ADGRB3: variants seen among roughly 807,000 people sequenced by gnomAD.
ADGRB3 encodes the protein brain-specific angiogenesis inhibitor 3.
Under a neutral mutation model 193.4 loss-of-function variants are expected in ADGRB3, and 37 were observed. That is an observed-to-expected ratio of 0.19 (90% CI 0.15 to 0.25). The LOEUF is 0.25. Ranked by LOEUF, ADGRB3 falls within the 10% of genes least tolerant of loss-of-function variation. The pLI, the probability that ADGRB3 is intolerant of heterozygous loss-of-function variation, is 1.00. For missense variants in ADGRB3, 1,637 were observed against 1,852.9 expected (o/e 0.88, Z 2.14); for synonymous variants, 690 against 644.2 (o/e 1.07, Z -1.08).
At chr6:68,858,590 C>G (rs1315453270) in intron 3 of ADGRB3, among the ~76,000 whole-genome samples, 1 of 83,946 alleles carries the variant, frequency 1.2e-5, no homozygotes, top group South Asian at 3.6e-4. Context: ...GAGACCCTGA[C>G]TCAAAAAAAA....
At chr6:69,316,649 G>A (rs964830001) in intron 20 of ADGRB3, among the ~76,000 whole-genome samples, 1 of 151,428 alleles carries the variant, frequency 6.6e-6, no homozygotes, top group African/African-American at 2.4e-5. Flanking sequence ...GTGGCCTGCT[G>A]AAAACATCCT....
chr6:68,784,101 A>G (rs1246786218), intron 3 of ADGRB3, among the ~76,000 whole-genome samples: 2 of 152,134 alleles, frequency 1.3e-5, no homozygotes, highest in African/African-American at 4.8e-5. Context: ...TTCTATAATT[A>G]TATACTTTAT....
chr6:69,162,853 A>G (rs73467774), intron 17 of ADGRB3, among the ~76,000 whole-genome samples: 3,357 of 152,188 alleles, frequency 0.022, 120 homozygotes, highest in African/African-American at 0.072. Context: ...TGTCAGTCCA[A>G]TTGAGACTCT....
intron 20 of ADGRB3, among the ~76,000 whole-genome samples, chr6:69,252,048 T>C (rs1156458656): frequency 1.3e-5 from 2 of 152,134 alleles, no homozygotes; most frequent in Admixed American, 6.6e-5. Flanking sequence ...TTCTCTCTTG[T>C]CTCCTGCCAG....
At chr6:68,653,900 C>A (rs567222907) in intron 3 of ADGRB3, among the ~76,000 whole-genome samples, 2 of 151,946 alleles carry the variant, frequency 1.3e-5, no homozygotes, top group Non-Finnish European at 2.9e-5. Flanking sequence ...CTCACAGCCC[C>A]TCCCTCCCTC....
intron 3 of ADGRB3, among the ~76,000 whole-genome samples, chr6:68,731,202 A>T (rs1157851169): frequency 6.6e-6 from 1 of 151,710 alleles, no homozygotes; most frequent in African/African-American, 2.4e-5. Context: ...AAATAATTCT[A>T]TATCTAATTA....
intron 10 of ADGRB3, among the ~76,000 whole-genome samples, chr6:68,978,522 T>A (rs1234617174): frequency 6.6e-6 from 1 of 151,548 alleles, no homozygotes; most frequent in African/African-American, 2.4e-5. Context: ...AAGTATAGAA[T>A]GAATGAATGT....
At chr6:69,370,413 AT>A (rs1337944431) in intron 29 of ADGRB3, among the ~76,000 whole-genome samples, 3 of 152,036 alleles carry the variant, frequency 2.0e-5, no homozygotes, top group Non-Finnish European at 4.4e-5. Flanking sequence ...TCCACTCCAA[AT>A]CCCACCACCA....
intron 3 of ADGRB3, among the ~76,000 whole-genome samples, chr6:68,872,037 T>A (rs1038634239): frequency 7.4e-6 from 1 of 134,258 alleles, no homozygotes. Flanking sequence ...GTTTTTGTGA[T>A]TAAGTTATAA....
intron 6 of ADGRB3, among the ~76,000 whole-genome samples, 178 bp from the exon 7 acceptor site, chr6:68,955,846 A>T (rs1243870250): frequency 6.6e-6 from 1 of 152,124 alleles, no homozygotes; most frequent in Admixed American, 6.6e-5. Context: ...AAAGTGGGAA[A>T]ATAAGGTAAT....
At chr6:69,053,758 T>C (rs1296305939) in intron 15 of ADGRB3, among the ~76,000 whole-genome samples, 1 of 152,236 alleles carries the variant, frequency 6.6e-6, no homozygotes, top group East Asian at 1.9e-4. Context: ...CTTACTTTTA[T>C]AGCATTTTTG....
Position 69,014,070 on chromosome 6 carries a change from T to G in ADGRB3, c.1962T>G (p.Asp654Glu). 6.2e-7 allele frequency: 1 copy of G among 1,603,142 alleles called. No individual in the cohort carries two copies. The highest frequency in any genetic ancestry group is 8.5e-7 in the Non-Finnish European group (1 of 1,173,104). The change falls in exon 12 of 32, where the codon GAT (aspartate) becomes GAG (glutamate). Residue 654 changes from aspartate to glutamate, a missense_variant. Transcript: ENST00000370598. ...NFFQIVSNLL[D>E]EENKEKWEDA... ...TTCAAATAGTTAGCAACCTTCTAGA[T>G]GAAGAAAACAAGGAAAAATGGGAAG...
chr6:69,140,825 G>T (rs1774316346), intron 17 of ADGRB3, among the ~76,000 whole-genome samples: 2 of 151,836 alleles, frequency 1.3e-5, no homozygotes. Context: ...AGAAAGATAT[G>T]AACAAGAATT....
chr6:69,307,559 A>G (rs1768090790), intron 20 of ADGRB3, among the ~76,000 whole-genome samples: 1 of 151,638 alleles, frequency 6.6e-6, no homozygotes, highest in Non-Finnish European at 1.5e-5. Context: ...ACACTTTTGG[A>G]AATTCTGGGC....
rs374283752 is a variant in ADGRB3, at chr6:69,167,072, G to T, written c.2481-66218G>T. 2.9e-4 allele frequency among the ~76,000 whole-genome samples: 44 copies of T among 152,230 alleles called. 1 individual carries two copies. Among genetic ancestry groups the T allele is most frequent in the African/African-American group, 1.0e-3 (42 of 41,552 alleles). Reference sequence around the variant, plus strand: ...TTATTTAGAGTTTGACTCTCACAGAGCAGGAAGCCGTACTTCTCTCTTTCC... The same window carrying T: ...TTATTTAGAGTTTGACTCTCACAGATCAGGAAGCCGTACTTCTCTCTTTCC... On this transcript the variant is annotated intron_variant, in intron 17 of 31. Transcript: ENST00000370598.
chr6:69,027,295 G>A (rs1408701921), intron 13 of ADGRB3, among the ~76,000 whole-genome samples: 2 of 151,654 alleles, frequency 1.3e-5, no homozygotes, highest in Non-Finnish European at 2.9e-5. Flanking sequence ...GATCATCAAT[G>A]TCACTGTCTT....
chr6:68,832,616 G>A (rs1767976697), intron 3 of ADGRB3, among the ~76,000 whole-genome samples: 1 of 151,686 alleles, frequency 6.6e-6, no homozygotes, highest in Non-Finnish European at 1.5e-5. Flanking sequence ...TTTTTTCATT[G>A]CATCATTGTT....
intron 30 of ADGRB3, among the ~76,000 whole-genome samples, chr6:69,377,235 A>G (rs1436526765): frequency 6.6e-6 from 1 of 152,052 alleles, no homozygotes; most frequent in Non-Finnish European, 1.5e-5. Flanking sequence ...AGCCCAGAGT[A>G]TGGTGCTTTG....
At chr6:68,808,735 AAAG>A (rs147178089) in intron 3 of ADGRB3, among the ~76,000 whole-genome samples, 37,277 of 151,900 alleles carry the variant, frequency 0.25, 5,445 homozygotes, top group Middle Eastern at 0.33. Context: ...AGGAGAGAAA[AAAG>A]GAGGAGGAAA....
Sources: gnomAD v4.1 joint callset for allele counts (sites outside exome capture counted in the v4.1 genomes callset) on GRCh38, gnomAD v4.1.1 for gene constraint, MANE v1.5 for transcripts, NCBI Gene and HGNC (gene_info 2026-07-23, HGNC 2026-07-21) for gene names.